The following CACNA2D1 variants were observed in gnomAD, a reference collection of about 807,000 sequenced individuals.
CACNA2D1 encodes the protein calcium voltage-gated channel auxiliary subunit alpha2delta 1.
Under a neutral mutation model 171.5 loss-of-function variants are expected in CACNA2D1, and 53 were observed. The observed-to-expected ratio is 0.31, with a 90% CI of 0.25 to 0.39. The LOEUF is 0.39. Ranked by LOEUF, CACNA2D1 falls within the 10% of genes least tolerant of loss-of-function variation. CACNA2D1 has a pLI of 1.00. For synonymous variants in CACNA2D1, 442 were observed against 443.1 expected (o/e 1.00, Z 0.03); for missense variants, 903 against 1,299.8 (o/e 0.69, Z 4.69).
At chr7:82,041,565 T>C (rs944460837) in intron 10 of CACNA2D1, among the ~76,000 whole-genome samples, 2 of 152,330 alleles carry the variant, frequency 1.3e-5, no homozygotes, top group Middle Eastern at 3.4e-3. Context: ...TTCATGTTTA[T>C]TTTGAACAAG....
rs929061177 is a variant in CACNA2D1 at position 82,124,893 on chromosome 7, T to TA, written c.397-7721dup. On this transcript the variant is annotated intron_variant, in intron 5 of 38. Coordinates refer to ENST00000356860, the MANE Select transcript of CACNA2D1 (RefSeq NM_000722.4). ...AGTTACATACTATAAGACAGCTTTT[T>TA]AAAAAAAAAATGCTAGAAAAGAAAC... 3.6e-3 allele frequency among the ~76,000 whole-genome samples: 537 copies of TA among 150,324 alleles called. 6 individuals are homozygous for TA. The highest frequency in any genetic ancestry group is 0.029 in the South Asian group (136 of 4,760).
At chr7:82,015,377 T>C (rs1228126835) in intron 12 of CACNA2D1, among the ~76,000 whole-genome samples, 2 of 152,184 alleles carry the variant, frequency 1.3e-5, no homozygotes, top group African/African-American at 4.8e-5. Flanking sequence ...TCTAAGCTCC[T>C]AGGATTTTTA....
chr7:82,327,806 C>T (rs766858330), intron 3 of CACNA2D1, among the ~76,000 whole-genome samples: 7 of 152,096 alleles, frequency 4.6e-5, no homozygotes, highest in Admixed American at 3.9e-4. Context: ...TGGGGCTGAT[C>T]GATGTTCAAC....
Position 82,333,451 on chromosome 7 carries a change from G to A in CACNA2D1, c.294+1684C>T, listed in dbSNP as rs948556005. 2.0e-5 allele frequency among the ~76,000 whole-genome samples: 3 copies of A among 150,868 alleles called. No individual in the cohort carries two copies. In the South Asian group the frequency reaches 6.3e-4, roughly 32 times the overall value. ...GCTGGGAAGGCCTCACAATCATGAC[G>A]GAAGGCAAAGGAGGAGCAAAGTCAC... On this transcript the variant is annotated intron_variant, in intron 3 of 38. Transcript: ENST00000356860.
At chr7:82,207,545 G>A (rs1800132297) in intron 3 of CACNA2D1, among the ~76,000 whole-genome samples, 1 of 151,912 alleles carries the variant, frequency 6.6e-6, no homozygotes, top group African/African-American at 2.4e-5. Flanking sequence ...AAAAAAGTAT[G>A]CATTACTGTT....
At chr7:82,082,449 C>T (rs896066616) in intron 7 of CACNA2D1, among the ~76,000 whole-genome samples, 6 of 151,818 alleles carry the variant, frequency 4.0e-5, no homozygotes, top group Admixed American at 6.6e-5. Flanking sequence ...GGACTCAGAA[C>T]GGGGAGTTCA....
chr7:82,292,239 T>C (rs77084256), intron 3 of CACNA2D1, among the ~76,000 whole-genome samples: 1 of 152,286 alleles, frequency 6.6e-6, no homozygotes. Flanking sequence ...GGATCAAATA[T>C]ATTCAGCAAT....
intron 6 of CACNA2D1, among the ~76,000 whole-genome samples, chr7:82,086,908 A>G (rs540560370): frequency 1.3e-5 from 2 of 152,150 alleles, no homozygotes; most frequent in South Asian, 2.1e-4. Flanking sequence ...GGAAAAAGTC[A>G]AGCTCTACAA....
rs577397401 is a variant in CACNA2D1 at position 82,380,544 on chromosome 7, G to A, written c.96-30895C>T. Among the ~76,000 whole-genome samples the A allele has an allele frequency of 7.9e-5, 12 of 151,962 alleles. No homozygotes were observed. In the South Asian group the frequency reaches 2.5e-3, roughly 32 times the overall value. On this transcript the variant is annotated intron_variant, in intron 1 of 38. Transcript: ENST00000356860. Reference sequence around the variant, plus strand: ...GAGACAGGCGGCAAGTGAGAGGGAAGGGCCTCCATTCAATAAGCATTTTGA... The same window carrying A: ...GAGACAGGCGGCAAGTGAGAGGGAAAGGCCTCCATTCAATAAGCATTTTGA...
intron 1 of CACNA2D1, among the ~76,000 whole-genome samples, chr7:82,412,628 A>G (rs1827798695): frequency 6.6e-6 from 1 of 151,808 alleles, no homozygotes; most frequent in African/African-American, 2.4e-5. Context: ...TTGGTTCTCA[A>G]AGAATGTGGA....
At chr7:82,040,377 T>C (rs1803789741) in intron 10 of CACNA2D1, among the ~76,000 whole-genome samples, 1 of 141,898 alleles carries the variant, frequency 7.0e-6, no homozygotes, top group Admixed American at 7.7e-5. Context: ...ATGTGAGATA[T>C]GCAAGTGTAC....
At chr7:82,355,806 TTCTCCATATATAA>T (rs201703152) in intron 1 of CACNA2D1, among the ~76,000 whole-genome samples, 2,997 of 152,090 alleles carry the variant, frequency 0.02, 90 homozygotes, top group East Asian at 0.083. Context: ...TTTCTACTCC[TTCTCCATATATAA>T]TCTCCATATA....
intron 6 of CACNA2D1, among the ~76,000 whole-genome samples, chr7:82,094,781 G>A (rs1231623122): frequency 9.2e-6 from 1 of 109,122 alleles, no homozygotes; most frequent in African/African-American, 4.2e-5. Flanking sequence ...TTTCCAATCT[G>A]ACAAAAGATA....
intron 3 of CACNA2D1, among the ~76,000 whole-genome samples, chr7:82,238,880 G>A (rs370393098): frequency 1.7e-3 from 265 of 152,106 alleles, no homozygotes; most frequent in African/African-American, 5.9e-3. Flanking sequence ...GGGAATAAAC[G>A]GGGCAATTGG....
At chr7:82,429,176 T>C (rs1483579025) in intron 1 of CACNA2D1, among the ~76,000 whole-genome samples, 3 of 152,238 alleles carry the variant, frequency 2.0e-5, no homozygotes, top group African/African-American at 7.2e-5. Flanking sequence ...TAAATGTATA[T>C]ATTCTATGTA....
intron 1 of CACNA2D1, among the ~76,000 whole-genome samples, chr7:82,366,845 A>AAT (rs1017434994): frequency 2.0e-5 from 3 of 150,868 alleles, no homozygotes; most frequent in African/African-American, 7.3e-5. Flanking sequence ...CATTCCCACC[A>AAT]ATAATGTATA....
chr7:82,358,696 G>A (rs919787966), intron 1 of CACNA2D1, among the ~76,000 whole-genome samples: 1 of 151,510 alleles, frequency 6.6e-6, no homozygotes, highest in African/African-American at 2.4e-5. Context: ...GCTCGTGTGT[G>A]TGTGCGTGCA....
At chr7:82,382,007 A>G in intron 1 of CACNA2D1, among the ~76,000 whole-genome samples, 1 of 152,176 alleles carries the variant, frequency 6.6e-6, no homozygotes, top group East Asian at 1.9e-4. Context: ...TATTTTACCC[A>G]CTGACATATG....
chr7:82,060,111 C>T (rs1287020511), intron 10 of CACNA2D1, among the ~76,000 whole-genome samples: 2 of 91,362 alleles, frequency 2.2e-5, no homozygotes, highest in Non-Finnish European at 4.3e-5. Flanking sequence ...CAAACCTGCA[C>T]GTTGTGCACA....
Sources: allele counts gnomAD v4.1 joint callset (sites outside exome capture counted in the v4.1 genomes callset), GRCh38; gene constraint gnomAD v4.1.1; transcripts MANE v1.5; gene names NCBI Gene and HGNC (gene_info 2026-07-23, HGNC 2026-07-21).